Variants in TRIM14 observed in about 807,000 individuals in gnomAD.
TRIM14 encodes the protein tripartite motif-containing protein 14.
TRIM14 carries 28 observed loss-of-function variants against 44.5 expected under a neutral mutation model. That is an observed-to-expected ratio of 0.63 (90% CI 0.47 to 0.86). TRIM14 has a LOEUF of 0.86. Among genes scored for constraint, TRIM14 ranks in the 40% least tolerant of loss-of-function variants. The pLI, the probability that TRIM14 is intolerant of heterozygous loss-of-function variation, is 0.00. For missense variants in TRIM14, 607 were observed against 611.1 expected (o/e 0.99, Z 0.07); for synonymous variants, 299 against 269.2 (o/e 1.11, Z -1.08).
intron 4 of TRIM14, 99 bp from the exon 5 acceptor site, chr9:98,092,100 G>T (rs991120604): frequency 2.3e-6 from 2 of 854,472 alleles, no homozygotes; most frequent in African/African-American, 1.7e-5. Flanking sequence ...GCATAATCTC[G>T]CCCAAGAGCC....
intron 2 of TRIM14, among the ~76,000 whole-genome samples, chr9:98,107,377 T>C (rs923212898): frequency 3.9e-5 from 6 of 152,208 alleles, no homozygotes; most frequent in Non-Finnish European, 5.9e-5. Context: ...CCCTAGACTG[T>C]ACCAAACAGC....
chr9:98,042,060 T>C, the TRIM14 span, among the ~76,000 whole-genome samples: 1 of 151,452 alleles, frequency 6.6e-6, no homozygotes, highest in Non-Finnish European at 1.5e-5. Context: ...TTTGGGAGGC[T>C]GAGGCGGCGG....
At chr9:98,064,551 C>T (rs1354372605), downstream of TRIM14, among the ~76,000 whole-genome samples, 3 of 152,126 alleles carry the variant, frequency 2.0e-5, no homozygotes, top group Non-Finnish European at 2.9e-5. Flanking sequence ...CCACCGCACC[C>T]GCCCTAATTC....
intron 1 of TRIM14, among the ~76,000 whole-genome samples, chr9:98,117,309 TTTATTTAA>T (rs1163865795): frequency 6.6e-6 from 1 of 151,666 alleles, no homozygotes; most frequent in African/African-American, 2.4e-5. Flanking sequence ...TATTTATTTA[TTTATTTAA>T]GACAAAGTCT....
At chr9:98,073,535 G>A (rs1312381925) in intron 6 of TRIM14, among the ~76,000 whole-genome samples, 1 of 150,954 alleles carries the variant, frequency 6.6e-6, no homozygotes, top group Admixed American at 6.6e-5. Flanking sequence ...TGCCCGCCAC[G>A]GCCTCCCAAA....
At chr9:98,098,152 C>G (rs539605611) in intron 3 of TRIM14, among the ~76,000 whole-genome samples, 2 of 152,208 alleles carry the variant, frequency 1.3e-5, no homozygotes, top group Admixed American at 1.3e-4. Context: ...CCTTGTCCCA[C>G]AGCCTTTAAA....
chr9:98,087,972 A>G lies in TRIM14; in HGVS notation c.827T>C (p.Met276Thr), dbSNP rs1825855140. 1.3e-5 allele frequency: 21 copies of G among 1,560,780 alleles called. No individual in the cohort carries two copies. The highest frequency in any genetic ancestry group is 1.8e-5 in the Admixed American group (1 of 55,362). Residue 276 changes from methionine to threonine, a missense_variant, in exon 6 of 6, where the codon ATG becomes ACG. Around this residue, in one of 3 missense-constraint regions of TRIM14, gnomAD observed 356 missense variants for 323.0 expected, o/e 1.10. Transcript: ENST00000341469. ...GGCGGACAGGCGCAGGCGCGCGTGC[A>G]TCGTGTCAGGATCCAGCGTGGGCGT... is the stretch of plus-strand genomic sequence containing the variant. ...ARTPTLDPDT[M>T]HARLRLSADR...
rs748963837 is a variant in TRIM14, at chr9:98,099,955, C to T, written c.513G>A (p.Glu171=). Residue 171 remains glutamate (E), a synonymous_variant, in exon 3 of 6, where the codon GAG becomes GAA. Coordinates refer to ENST00000341469, the MANE Select transcript of TRIM14 (RefSeq NM_014788.4). ...CCTGAAGCCTCTGGACAGGATCGGG[C>T]TCCTGGCTGATACTCCAGACCCTGT... The part of the protein sequence containing the change: ...LSNRVWSISQ[E]PDPVQRLQAY... 5 of 1,613,604 alleles carry T rather than the reference C, an allele frequency of 3.1e-6. No homozygotes were observed. In the East Asian group the frequency reaches 1.1e-4, roughly 36 times the overall value.
chr9:98,107,811 C>T (rs749368887), intron 2 of TRIM14, among the ~76,000 whole-genome samples: 10 of 149,934 alleles, frequency 6.7e-5, no homozygotes, highest in South Asian at 2.1e-4. Context: ...GGATTATAGG[C>T]GCCACCATTC....
chr9:98,102,462 T>C (rs746518750), intron 2 of TRIM14, among the ~76,000 whole-genome samples: 4 of 152,222 alleles, frequency 2.6e-5, no homozygotes, highest in Non-Finnish European at 5.9e-5. Flanking sequence ...ATTATATAAA[T>C]TGTCCTACAT....
intron 2 of TRIM14, among the ~76,000 whole-genome samples, chr9:98,101,105 A>T (rs1424564292): frequency 6.6e-6 from 1 of 151,216 alleles, no homozygotes; most frequent in Non-Finnish European, 1.5e-5. Flanking sequence ...CCTCCTGAGT[A>T]GCTGGGATTA....
chr9:98,112,797 CAAAA>C (rs34150823), intron 1 of TRIM14, among the ~76,000 whole-genome samples: 56 of 68,360 alleles, frequency 8.2e-4, no homozygotes, highest in African/African-American at 2.8e-3. Context: ...GACTCAATCT[CAAAA>C]AAAAAAAAAA....
intron 3 of TRIM14, 35 bp downstream of exon 3, chr9:98,099,896 G>C (rs1487877134): frequency 1.3e-6 from 2 of 1,582,146 alleles, no homozygotes; most frequent in African/African-American, 2.7e-5. Flanking sequence ...GTGGGTGGCA[G>C]GTGGCAGCAG....
the TRIM14 span, among the ~76,000 whole-genome samples, chr9:98,052,488 TA>T: frequency 2.5e-4 from 38 of 150,168 alleles, no homozygotes; most frequent in African/African-American, 8.3e-4. Context: ...TCTTTTTTCT[TA>T]AAAAAAAAAC....
chr9:98,057,453 G>A, the TRIM14 span, among the ~76,000 whole-genome samples: 3 of 152,182 alleles, frequency 2.0e-5, no homozygotes, highest in Non-Finnish European at 4.4e-5. Flanking sequence ...TAAAAGCCGG[G>A]CCTTTGAGTT....
At chr9:98,058,265 A>G in the TRIM14 span, among the ~76,000 whole-genome samples, 1 of 152,180 alleles carries the variant, frequency 6.6e-6, no homozygotes, top group African/African-American at 2.4e-5. Flanking sequence ...TCACTGAATC[A>G]TAAAAATACT....
At chr9:98,096,531 G>T (rs781227139) in intron 3 of TRIM14, among the ~76,000 whole-genome samples, 6 of 152,146 alleles carry the variant, frequency 3.9e-5, no homozygotes, top group South Asian at 2.1e-4. Flanking sequence ...CAAAACATAT[G>T]TATGATGGAA....
chr9:98,074,724 C>G lies in TRIM14; in HGVS notation c.*29-5037G>C, dbSNP rs528665662. ...AAGGTGTTTTTCTGCACTTGTCCCC[C>G]CTCCTTGCCCCGATCGCTCTGCCCC... On this transcript the variant is annotated intron_variant, in intron 6 of 6. Coordinates refer to the TRIM14 transcript ENST00000375098. 3.3e-5 allele frequency: 5 copies of G among 152,128 alleles called. No individual in the cohort carries two copies. In the South Asian group the frequency reaches 6.2e-4, roughly 19 times the overall value. 9.4% of individuals were successfully genotyped at this position (152,128 alleles called of 1,614,324 possible). A position where few individuals can be genotyped will look rare whatever the true frequency, so the allele number is the denominator to read the frequency against.
At position 98,112,887 on chromosome 9, in the gene TRIM14, G is replaced by T. The variant is rs557026828; in HGVS notation, c.208-2903C>A. On this transcript the variant is annotated intron_variant, in intron 1 of 5. Coordinates refer to ENST00000341469, the MANE Select transcript of TRIM14 (RefSeq NM_014788.4). ...CCACCACTTTAGGAGGCCGAGACAG[G>T]TGGATCACCTGAGGTCAGGAATTTG... Among the ~76,000 whole-genome samples the T allele has an allele frequency of 5.3e-5, 8 of 150,430 alleles. No homozygotes were observed. In the East Asian group the frequency reaches 1.6e-3, roughly 30 times the overall value.
Sources: gnomAD v4.1 joint callset for allele counts (sites outside exome capture counted in the v4.1 genomes callset) on GRCh38, gnomAD v4.1.1 for gene constraint, gnomAD v4.1.1 regional missense constraint, MANE v1.5 for transcripts, NCBI Gene and HGNC (gene_info 2026-07-23, HGNC 2026-07-21) for gene names.